PLXNC1: variants seen among roughly 807,000 people sequenced by gnomAD.
PLXNC1 encodes the protein plexin C1.
PLXNC1 carries 75 observed loss-of-function variants against 178.2 expected under a neutral mutation model. The observed-to-expected ratio is 0.42, with a 90% CI of 0.35 to 0.51. The LOEUF is 0.51. Among genes scored for constraint, PLXNC1 ranks in the 20% least tolerant of loss-of-function variants. PLXNC1 has a pLI of 0.02. For missense variants in PLXNC1, 1,503 were observed against 1,984.4 expected (o/e 0.76, Z 4.61); for synonymous variants, 790 against 779.9 (o/e 1.01, Z -0.22).
intron 21 of PLXNC1, among the ~76,000 whole-genome samples, chr12:94,271,088 CTCTT>C (rs1422337950): frequency 2.0e-5 from 3 of 152,172 alleles, no homozygotes; most frequent in Non-Finnish European, 2.9e-5. Context: ...TGTTTCTTCT[CTCTT>C]TAATTCAGGT....
chr12:94,252,288 G>A (rs548922098), intron 15 of PLXNC1, among the ~76,000 whole-genome samples: 34 of 152,226 alleles, frequency 2.2e-4, no homozygotes, highest in African/African-American at 7.7e-4. Flanking sequence ...GGTCATGCCT[G>A]GGCACAGTGG....
intron 17 of PLXNC1, 55 bp downstream of exon 17, chr12:94,255,351 G>A (rs1964810428): frequency 3.4e-6 from 4 of 1,176,226 alleles, no homozygotes; most frequent in Admixed American, 1.7e-5. Context: ...TAATGAAGGT[G>A]CTTGTTGCTG....
intron 20 of PLXNC1, among the ~76,000 whole-genome samples, chr12:94,261,806 A>G (rs1964995207): frequency 6.6e-6 from 1 of 152,210 alleles, no homozygotes; most frequent in Non-Finnish European, 1.5e-5. Context: ...ATCCAACAGC[A>G]GTGCTTTAAA....
chr12:94,302,016 T>C (rs980524274), intron 28 of PLXNC1, among the ~76,000 whole-genome samples: 1 of 152,214 alleles, frequency 6.6e-6, no homozygotes, highest in Non-Finnish European at 1.5e-5. Context: ...TGCTTCCTAA[T>C]TGGTGTCCTT....
In PLXNC1 at chr12:94,209,665, G is replaced by A. The variant is rs376082098; in HGVS notation, c.1515G>A (p.Lys505=). The change falls in exon 5 of 31, where the codon AAG becomes AAA. Residue 505 remains lysine (K), a synonymous_variant. Transcript: ENST00000258526. ...TGGATATTTCGTCTGGAGCAAAAAA[G>A]TGCCCTAAAATTCAGATAATTCGAA... ...NWLDISSGAK[K]CPKIQIIRSS... 1.7e-5 allele frequency: 27 copies of A among 1,611,332 alleles called. No homozygotes were observed. The highest frequency in any genetic ancestry group is 2.3e-5 in the Non-Finnish European group (27 of 1,178,052).
chr12:94,195,270 C>G (rs1443756034), intron 4 of PLXNC1, among the ~76,000 whole-genome samples: 2 of 152,286 alleles, frequency 1.3e-5, no homozygotes, highest in South Asian at 4.1e-4. Context: ...CCCACCCCAC[C>G]CTTCCTGGGT....
At chr12:94,237,894 T>A in intron 10 of PLXNC1, 91 bp downstream of exon 10, 1 of 1,315,122 alleles carries the variant, frequency 7.6e-7, no homozygotes, top group Non-Finnish European at 1.0e-6. Flanking sequence ...CTTAATATAG[T>A]CAAATTATTG....
At chr12:94,208,619 A>G (rs961889838) in intron 4 of PLXNC1, among the ~76,000 whole-genome samples, 14 of 152,186 alleles carry the variant, frequency 9.2e-5, no homozygotes, top group Non-Finnish European at 1.3e-4. Context: ...AAAATTCACC[A>G]TCACTGGTTT....
At position 94,149,460 on chromosome 12, in the gene PLXNC1, C is replaced by T. The variant is rs1189132210; in HGVS notation, c.489C>T (p.Ala163=). The T allele has an allele frequency of 1.2e-5, 18 of 1,471,586 alleles. No homozygotes were observed. Among genetic ancestry groups the T allele is most frequent in the Non-Finnish European group, 1.6e-5 (18 of 1,120,016 alleles). The allele number at this position is 1,471,586 out of a possible 1,614,324, so 91.2% of individuals were successfully genotyped here. Residue 163 remains alanine (A), a synonymous_variant, in exon 1 of 31, where the codon GCC becomes GCT. Transcript: ENST00000258526. The part of the protein sequence containing the change: ...VVSCHPQGST[A]GVVYRAGRNN... The stretch of plus-strand genomic sequence containing the variant: ...CGTGCCACCCGCAGGGCTCGACGGC[C>T]GGCGTGGTGTACCGCGCGGGCCGGA...
At chr12:94,182,905 A>ATCTG (rs1337353244) in intron 3 of PLXNC1, among the ~76,000 whole-genome samples, 3 of 149,854 alleles carry the variant, frequency 2.0e-5, no homozygotes, top group African/African-American at 4.9e-5. Flanking sequence ...CTATCTATCT[A>ATCTG]TCATCTATCT....
intron 24 of PLXNC1, among the ~76,000 whole-genome samples, chr12:94,296,763 C>T (rs1967961274): frequency 6.6e-6 from 1 of 152,216 alleles, no homozygotes; most frequent in South Asian, 2.1e-4. Context: ...CCTTCATAAC[C>T]TTTATCACAG....
chr12:94,199,440 G>A lies in PLXNC1; in HGVS notation c.1440-10150G>A, dbSNP rs996146484. On this transcript the variant is annotated intron_variant, in intron 4 of 30. Coordinates refer to ENST00000258526, the MANE Select transcript of PLXNC1 (RefSeq NM_005761.3). ...GTAGAAGCAAGTAGGACAACTGTCT[G>A]TGGGGTGGAAGCGGTGGGGAGCAAA... Among the ~76,000 whole-genome samples, 4 of 152,298 alleles carry A rather than the reference G, an allele frequency of 2.6e-5. No individual in the cohort carries two copies. In the South Asian group the frequency reaches 6.2e-4, roughly 24 times the overall value.
At chr12:94,274,627 T>A (rs11837544) in intron 21 of PLXNC1, among the ~76,000 whole-genome samples, 11,017 of 152,274 alleles carry the variant, frequency 0.072, 847 homozygotes, top group African/African-American at 0.19. Context: ...CAGTGTACAT[T>A]TCACAGCTCT....
intron 20 of PLXNC1, chr12:94,262,892 G>A (rs946617426): frequency 9.0e-6 from 5 of 557,268 alleles, no homozygotes; most frequent in Non-Finnish European, 1.1e-5. Flanking sequence ...GGTCCTGTGA[G>A]CTAAGTGTCT....
intron 21 of PLXNC1, among the ~76,000 whole-genome samples, chr12:94,272,643 C>T (rs997962771): frequency 1.3e-5 from 2 of 152,224 alleles, no homozygotes; most frequent in Non-Finnish European, 1.5e-5. Context: ...TGGTGGCTCA[C>T]ACCTGTAATC....
In PLXNC1 at chr12:94,149,866, C is replaced by G; in HGVS notation, c.895C>G (p.Leu299Val). 6.3e-7 allele frequency: 1 copy of G among 1,587,574 alleles called. No individual in the cohort carries two copies. The highest frequency in any genetic ancestry group is 8.6e-7 in the Non-Finnish European group (1 of 1,167,622). ...CCGCCGCCTGCTCCTCTCCTCCAGC[C>G]TAGTGGAGGCCCTGGACGTCTGGGC... ...DGRRLLLSSS[L>V]VEALDVWAGV... The change falls in exon 1 of 31, where the codon CTA becomes GTA. Residue 299 changes from leucine (L) to valine (V), a missense_variant. Leu to Val is a conservative substitution (Grantham distance 32). Around this residue, in one of 4 missense-constraint regions of PLXNC1, gnomAD observed 615 missense variants for 698.6 expected, o/e 0.88. Coordinates refer to ENST00000258526, the MANE Select transcript of PLXNC1 (RefSeq NM_005761.3).
At chr12:94,181,244 T>C (rs1416623992) in intron 2 of PLXNC1, among the ~76,000 whole-genome samples, 1 of 151,806 alleles carries the variant, frequency 6.6e-6, no homozygotes, top group Non-Finnish European at 1.5e-5. Flanking sequence ...CTAAAAAAAA[T>C]TAGCTGGGTG....
intron 9 of PLXNC1, among the ~76,000 whole-genome samples, chr12:94,237,273 CTG>C (rs1212704547): frequency 6.6e-6 from 1 of 152,230 alleles, no homozygotes; most frequent in Non-Finnish European, 1.5e-5. Flanking sequence ...AACGATGAGT[CTG>C]TCATTGGCCT....
chr12:94,291,520 T>C (rs1967319054), intron 23 of PLXNC1, among the ~76,000 whole-genome samples: 1 of 152,208 alleles, frequency 6.6e-6, no homozygotes, highest in Admixed American at 6.5e-5. Flanking sequence ...CATGAACCAC[T>C]GTGTCCAGCC....
Sources: allele counts gnomAD v4.1 joint callset (sites outside exome capture counted in the v4.1 genomes callset), GRCh38; gene constraint gnomAD v4.1.1; regional missense constraint gnomAD v4.1.1; transcripts MANE v1.5; gene names NCBI Gene and HGNC (gene_info 2026-07-23, HGNC 2026-07-21).